The following GABRG3 variants were observed in gnomAD, a reference collection of about 807,000 sequenced individuals.
GABRG3 encodes gamma-aminobutyric acid type A receptor subunit gamma3.
Under a neutral mutation model 48.8 loss-of-function variants are expected in GABRG3, and 25 were observed. The observed-to-expected ratio is 0.51, with a 90% CI of 0.37 to 0.72. The LOEUF (loss-of-function observed/expected upper bound fraction) is 0.72. Ranked by LOEUF, GABRG3 falls within the 30% of genes least tolerant of loss-of-function variation. The probability of loss-of-function intolerance (pLI) is 0.00; values close to 1 mark genes in which losing one functional copy is unlikely to be tolerated. For synonymous variants in GABRG3, 227 were observed against 217.6 expected (o/e 1.04, Z -0.38); for missense variants, 394 against 577.9 (o/e 0.68, Z 3.26).
intron 6 of GABRG3, among the ~76,000 whole-genome samples, chr15:27,502,144 AT>A (rs2150854655): frequency 6.6e-6 from 1 of 152,360 alleles, no homozygotes; most frequent in African/African-American, 2.4e-5. Flanking sequence ...AGCTAATCAA[AT>A]TTAACATGAA....
intron 2 of GABRG3, among the ~76,000 whole-genome samples, chr15:27,001,518 G>T (rs1439622707): frequency 6.6e-6 from 1 of 152,212 alleles, no homozygotes. Flanking sequence ...TGTGGATGTT[G>T]AATTTCTTCT....
At chr15:27,289,934 T>A (rs1891742947) in intron 3 of GABRG3, among the ~76,000 whole-genome samples, 3 of 152,198 alleles carry the variant, frequency 2.0e-5, no homozygotes, top group African/African-American at 7.2e-5. Flanking sequence ...GTAACAAGCA[T>A]ACCTAGTACC....
intron 2 of GABRG3, among the ~76,000 whole-genome samples, chr15:27,019,799 T>C (rs1895854802): frequency 6.6e-6 from 1 of 152,184 alleles, no homozygotes; most frequent in South Asian, 2.1e-4. Context: ...GAGCCTCTTA[T>C]GCGTTGGGGG....
At chr15:27,166,070 AG>A (rs1887361527) in intron 3 of GABRG3, among the ~76,000 whole-genome samples, 1 of 152,166 alleles carries the variant, frequency 6.6e-6, no homozygotes, top group African/African-American at 2.4e-5. Flanking sequence ...TTACGTCTTT[AG>A]GCAATGCGAA....
intron 3 of GABRG3, among the ~76,000 whole-genome samples, chr15:27,030,954 G>T (rs1896074392): frequency 6.6e-6 from 1 of 151,982 alleles, no homozygotes. Flanking sequence ...TTACTTTTCT[G>T]TGTTTTTTAA....
At chr15:27,022,962 ATGTGGC>A (rs1182414782) in intron 2 of GABRG3, among the ~76,000 whole-genome samples, 1 of 152,168 alleles carries the variant, frequency 6.6e-6, no homozygotes, top group African/African-American at 2.4e-5. Context: ...AACGGAGCAA[ATGTGGC>A]TGATGCTTGT....
At chr15:27,038,247 T>A (rs963773838) in intron 3 of GABRG3, among the ~76,000 whole-genome samples, 1 of 152,154 alleles carries the variant, frequency 6.6e-6, no homozygotes, top group South Asian at 2.1e-4. Flanking sequence ...TGCTGGCAGG[T>A]GCAGCGTATG....
At chr15:27,026,702 C>G (rs1268049768) in intron 2 of GABRG3, 52 bp from the exon 3 acceptor site, 54 of 1,381,642 alleles carry the variant, frequency 3.9e-5, no homozygotes, top group Non-Finnish European at 5.3e-5. Context: ...ATGTGCTCTC[C>G]TCTGTCTTTC....
At chr15:27,445,572 C>T (rs994282404) in intron 5 of GABRG3, among the ~76,000 whole-genome samples, 5 of 152,068 alleles carry the variant, frequency 3.3e-5, no homozygotes, top group Admixed American at 6.6e-5. Context: ...TAAAATATGT[C>T]CTATATAGAA....
At chr15:27,208,417 ATTGT>A (rs1319547818) in intron 3 of GABRG3, 8 of 214,882 alleles carry the variant, frequency 3.7e-5, no homozygotes, top group African/African-American at 1.9e-4. Flanking sequence ...AGAAGTTGGC[ATTGT>A]TTATGTGCAT....
At chr15:27,069,911 A>G (rs575657620) in intron 3 of GABRG3, among the ~76,000 whole-genome samples, 64 of 152,344 alleles carry the variant, frequency 4.2e-4, no homozygotes, top group African/African-American at 1.5e-3. Context: ...TACATTGTGG[A>G]ACAGTGCTTT....
intron 2 of GABRG3, among the ~76,000 whole-genome samples, chr15:26,997,758 C>T (rs1177726538): frequency 6.6e-6 from 1 of 152,164 alleles, no homozygotes. Context: ...AGTTTGTTAT[C>T]ACAATTTAGG....
chr15:27,330,822 A>G (rs143730798), intron 5 of GABRG3, among the ~76,000 whole-genome samples: 45 of 152,346 alleles, frequency 3.0e-4, no homozygotes, highest in Middle Eastern at 3.4e-3. Flanking sequence ...TGTGTGACCA[A>G]CCACATCTAT....
intron 3 of GABRG3, among the ~76,000 whole-genome samples, chr15:27,132,652 G>A (rs1897940465): frequency 6.6e-6 from 1 of 150,462 alleles, no homozygotes; most frequent in Non-Finnish European, 1.5e-5. Context: ...TGGTTGTAAT[G>A]TCTCTTTCAT....
chr15:27,080,423 G>A (rs545262291), intron 3 of GABRG3, among the ~76,000 whole-genome samples: 1 of 152,264 alleles, frequency 6.6e-6, no homozygotes, highest in African/African-American at 2.4e-5. Context: ...TCCAGCCTGG[G>A]TGACAGAACA....
At chr15:27,020,557 G>A (rs954814885) in intron 2 of GABRG3, among the ~76,000 whole-genome samples, 12 of 149,988 alleles carry the variant, frequency 8.0e-5, no homozygotes, top group South Asian at 2.1e-4. Context: ...GACTACAGGC[G>A]CCCGCCACCA....
At chr15:27,186,373 G>C (rs1014578392) in intron 3 of GABRG3, among the ~76,000 whole-genome samples, 2 of 152,084 alleles carry the variant, frequency 1.3e-5, no homozygotes, top group Non-Finnish European at 2.9e-5. Context: ...AGTATTATAT[G>C]GTATATATGT....
At chr15:27,099,534 C>T (rs1201280392) in intron 3 of GABRG3, among the ~76,000 whole-genome samples, 1 of 152,074 alleles carries the variant, frequency 6.6e-6, no homozygotes. Flanking sequence ...AACATCATTA[C>T]GTCTTTGAAG....
chr15:27,465,536 C>T (rs8041982), intron 5 of GABRG3, among the ~76,000 whole-genome samples: 2 of 152,076 alleles, frequency 1.3e-5, no homozygotes, highest in Admixed American at 1.3e-4. Context: ...GATTTTATAC[C>T]GAATTCCCTA....
Sources: allele counts gnomAD v4.1 joint callset (sites outside exome capture counted in the v4.1 genomes callset), GRCh38; gene constraint gnomAD v4.1.1; transcripts MANE v1.5; gene names NCBI Gene and HGNC (gene_info 2026-07-23, HGNC 2026-07-21).